NAP1L4: variants seen among roughly 807,000 people sequenced by gnomAD.
NAP1L4 encodes nucleosome assembly protein 1-like 4.
In NAP1L4, 15 loss-of-function variants were observed where a neutral mutation model predicts 58.2. The observed-to-expected ratio is 0.26, with a 90% CI of 0.17 to 0.40. The LOEUF is 0.40. Among genes scored for constraint, NAP1L4 ranks in the 10% least tolerant of loss-of-function variants. NAP1L4 has a pLI of 1.00. For missense variants in NAP1L4, 384 were observed against 451.1 expected, an observed-to-expected ratio of 0.85 and a Z score of 1.35; for synonymous variants, 171 against 155.6, an observed-to-expected ratio of 1.10 and a Z score of -0.74.
chr11:2,991,411 T>C (rs189707970), intron 1 of NAP1L4: 96 of 201,734 alleles, frequency 4.8e-4, no homozygotes, highest in African/African-American at 1.9e-3. Context: ...AAGAAAAGCA[T>C]GGCACTTTCC....
In NAP1L4 at chr11:2,949,838, G is replaced by A. The variant is rs1309720200; in HGVS notation, c.1123-574C>T. The stretch of plus-strand genomic sequence containing the variant: ...AGAGGGGAGGAAAAGAGAAGCTGAG[G>A]CACAGAATACAGGGAGGGGGAGATA... On this transcript the variant is annotated intron_variant, in intron 14 of 15. Coordinates refer to ENST00000380542, the MANE Select transcript of NAP1L4 (RefSeq NM_005969.4). The surrounding 1 kb of genome is among the most constrained non-coding windows in gnomAD (Gnocchi z 4.0). Among the ~76,000 whole-genome samples the A allele has an allele frequency of 1.3e-5, 2 of 152,236 alleles. No homozygotes were observed. The highest frequency in any genetic ancestry group is 3.8e-4 in the East Asian group (2 of 5,198).
rs115176075 is a variant in NAP1L4, at chr11:2,984,096, C to T, written c.-17-4859G>A. On this transcript the variant is annotated intron_variant, in intron 1 of 15. Coordinates refer to ENST00000380542, the MANE Select transcript of NAP1L4 (RefSeq NM_005969.4). ...AACACTCAAGCCCAGGAGTTGGAGG[C>T]CTGGCGGCTGCAGTGAGCTATCACT... Among the ~76,000 whole-genome samples, 1,483 of 148,808 alleles carry T rather than the reference C, an allele frequency of 1.0e-2. 20 individuals are homozygous for T. Among genetic ancestry groups the T allele is most frequent in the African/African-American group, 0.035 (1,407 of 40,138 alleles).
intron 1 of NAP1L4, among the ~76,000 whole-genome samples, chr11:2,985,118 G>A (rs1412312458): frequency 6.6e-6 from 1 of 152,178 alleles, no homozygotes; most frequent in Admixed American, 6.6e-5. Context: ...AGTTTTAACT[G>A]TGATCCATCA....
At chr11:2,974,422 C>T (rs2133981606) in intron 4 of NAP1L4, among the ~76,000 whole-genome samples, 1 of 152,318 alleles carries the variant, frequency 6.6e-6, no homozygotes, top group Middle Eastern at 3.4e-3. Context: ...CAGAATGCCA[C>T]CCCACCAACC....
In NAP1L4 at chr11:2,945,445, AAAT is replaced by A. The variant is rs1370385874; in HGVS notation, c.*231_*233del. On this transcript the variant is annotated 3_prime_UTR_variant, in exon 16 of 16. Coordinates refer to ENST00000380542, the MANE Select transcript of NAP1L4 (RefSeq NM_005969.4). ...CAGTTGCCACTGTACAAGTTAAGCA[AAAT>A]AATAAGGAAAAAGGAAAAGTGAAAG... 4.5e-6 allele frequency: 3 copies of A among 673,962 alleles called. No individual in the cohort carries two copies. The highest frequency in any genetic ancestry group is 7.4e-6 in the Non-Finnish European group (3 of 406,248). The allele number at this position is 673,962 out of a possible 1,614,324, so 41.7% of individuals were successfully genotyped here.
At chr11:2,960,875 G>C (rs1431840689) in intron 8 of NAP1L4, among the ~76,000 whole-genome samples, 3 of 152,164 alleles carry the variant, frequency 2.0e-5, no homozygotes, top group Non-Finnish European at 4.4e-5. Flanking sequence ...TTTATAGACA[G>C]TTTACAAGAC....
intron 8 of NAP1L4, among the ~76,000 whole-genome samples, chr11:2,962,900 G>A (rs1199474399): frequency 1.3e-5 from 2 of 151,960 alleles, no homozygotes; most frequent in Non-Finnish European, 2.9e-5. Context: ...AAGAGATTGA[G>A]ACCATCCTGG....
At chr11:2,958,354 A>G (rs1305656987) in intron 10 of NAP1L4, 45 bp downstream of exon 10, 2 of 1,605,096 alleles carry the variant, frequency 1.2e-6, no homozygotes, top group Non-Finnish European at 1.7e-6. Flanking sequence ...GACCAAAATT[A>G]TTTTATATAA....
At position 2,964,540 on chromosome 11, in the gene NAP1L4, G is replaced by A. The variant is rs117169457; in HGVS notation, c.606+140C>T. 1.1e-3 allele frequency: 747 copies of A among 650,056 alleles called. 1 individual carries two copies. The highest frequency in any genetic ancestry group is 1.8e-3 in the Non-Finnish European group (667 of 369,070). The allele number at this position is 650,056 out of a possible 1,614,324, so 40.3% of individuals were successfully genotyped here. A position where few individuals can be genotyped will look rare whatever the true frequency, so the allele number is the denominator to read the frequency against. On this transcript the variant is annotated intron_variant, in intron 8 of 15. Transcript: ENST00000380542. ...TGCGGTACTCAGTCTAACTCTTGGAGAGCAGTCTCGCCCAGGGCTGCCCAG... is the reference window on the plus strand; with the variant it reads ...TGCGGTACTCAGTCTAACTCTTGGAAAGCAGTCTCGCCCAGGGCTGCCCAG...
chr11:2,967,682 G>A (rs1334876909), intron 7 of NAP1L4, among the ~76,000 whole-genome samples: 1 of 151,396 alleles, frequency 6.6e-6, no homozygotes, highest in African/African-American at 2.4e-5. Context: ...CCTGCTATGA[G>A]GTTACAAACA....
At chr11:2,987,591 C>T (rs908162873) in intron 1 of NAP1L4, among the ~76,000 whole-genome samples, 11 of 151,296 alleles carry the variant, frequency 7.3e-5, no homozygotes, top group African/African-American at 2.7e-4. Flanking sequence ...CCCGTCTCTA[C>T]TAAAAAGATA....
chr11:2,975,459 A>G (rs7946134), intron 4 of NAP1L4, among the ~76,000 whole-genome samples: 127,615 of 152,040 alleles, frequency 0.84, 54,005 homozygotes, highest in African/African-American at 0.94. Context: ...TCAGCCAGGC[A>G]CGGTAGCTCA....
chr11:2,980,934 GA>G (rs61483847), intron 1 of NAP1L4, among the ~76,000 whole-genome samples: 42,475 of 149,658 alleles, frequency 0.28, 6,702 homozygotes, highest in African/African-American at 0.43. Flanking sequence ...AAACCAAAAA[GA>G]AAAAAAAAAT....
intron 1 of NAP1L4, among the ~76,000 whole-genome samples, chr11:2,985,971 C>T (rs886521732): frequency 6.6e-6 from 1 of 152,130 alleles, no homozygotes; most frequent in Non-Finnish European, 1.5e-5. Context: ...TCTTTGTACC[C>T]CAAACAACTG....
chr11:2,984,605 C>G (rs1848519103), intron 1 of NAP1L4, among the ~76,000 whole-genome samples: 1 of 152,102 alleles, frequency 6.6e-6, no homozygotes. Context: ...AACAAACACA[C>G]TTCAATGGTC....
chr11:2,984,166 C>CAAAAAAAAAAAA (rs35188952), intron 1 of NAP1L4, among the ~76,000 whole-genome samples: 1 of 80,574 alleles, frequency 1.2e-5, no homozygotes, highest in Admixed American at 1.5e-4. Flanking sequence ...GACCCTGCCT[C>CAAAAAAAAAAAA]AAAAAAAAAA....
intron 1 of NAP1L4, among the ~76,000 whole-genome samples, chr11:2,989,573 A>T (rs188110325): frequency 4.5e-4 from 69 of 152,348 alleles, no homozygotes; most frequent in Middle Eastern, 3.4e-3. Context: ...GAAGGAAGAA[A>T]AGCACTACTA....
At position 2,947,752 on chromosome 11, in the gene NAP1L4, CAACT is replaced by C. The variant is rs202241779; in HGVS notation, c.*32+1471_*32+1474del. Among the ~76,000 whole-genome samples, 1,056 of 152,098 alleles carry C rather than the reference CAACT, an allele frequency of 6.9e-3. 13 individuals are homozygous for C. Among genetic ancestry groups the C allele is most frequent in the African/African-American group, 0.024 (1,009 of 41,484 alleles). On this transcript the variant is annotated intron_variant, in intron 15 of 15. Coordinates refer to ENST00000380542, the MANE Select transcript of NAP1L4 (RefSeq NM_005969.4). Reference sequence around the variant, plus strand: ...GAGGAGTTGGCATTTTAAAAGGTACCAACTAATAGGAAAAAAATCTCATCTCTCA... The same window carrying C: ...GAGGAGTTGGCATTTTAAAAGGTACCAATAGGAAAAAAATCTCATCTCTCA...
At chr11:2,967,562 G>T (rs1016084336) in intron 7 of NAP1L4, among the ~76,000 whole-genome samples, 7 of 144,560 alleles carry the variant, frequency 4.8e-5, no homozygotes, top group Admixed American at 4.3e-4. Flanking sequence ...AGTGAGCCAA[G>T]ATCACGCCAC....
Sources: gnomAD v4.1 joint callset for allele counts (sites outside exome capture counted in the v4.1 genomes callset) on GRCh38, gnomAD v4.1.1 for gene constraint, Gnocchi (gnomAD v3.1) non-coding constraint, MANE v1.5 for transcripts, NCBI Gene and HGNC (gene_info 2026-07-23, HGNC 2026-07-21) for gene names.